CPNE8: variants seen among roughly 807,000 people sequenced by gnomAD.
CPNE8 encodes copine-8.
CPNE8 carries 45 observed loss-of-function variants against 81.5 expected under a neutral mutation model. The ratio of observed to expected loss-of-function variants is 0.55; its 90% CI spans 0.44 to 0.71. The LOEUF is 0.71. CPNE8 is among the 30% of genes least tolerant of loss of function. The pLI, the probability that CPNE8 is intolerant of heterozygous loss-of-function variation, is 0.00. For missense variants in CPNE8, 594 were observed against 672.1 expected, an observed-to-expected ratio of 0.88 and a Z score of 1.28; for synonymous variants, 252 against 226.3, an observed-to-expected ratio of 1.11 and a Z score of -1.02.
intron 10 of CPNE8, among the ~76,000 whole-genome samples, chr12:38,752,447 G>T (rs1941370471): frequency 6.6e-6 from 1 of 152,024 alleles, no homozygotes; most frequent in Non-Finnish European, 1.5e-5. Context: ...CCTTCCCCTG[G>T]ACTCCCTGGG....
At chr12:38,832,678 T>C (rs926635528) in intron 5 of CPNE8, among the ~76,000 whole-genome samples, 18 of 151,946 alleles carry the variant, frequency 1.2e-4, no homozygotes, top group African/African-American at 4.4e-4. Flanking sequence ...CCCCCAAATA[T>C]TTATGGCACT....
At chr12:38,842,379 A>C (rs1043760009) in intron 4 of CPNE8, among the ~76,000 whole-genome samples, 1 of 152,130 alleles carries the variant, frequency 6.6e-6, no homozygotes, top group African/African-American at 2.4e-5. Context: ...ATGACATCGA[A>C]TGTTCAATTA....
chr12:38,851,057 A>G (rs1034432250), intron 3 of CPNE8, among the ~76,000 whole-genome samples: 1 of 152,228 alleles, frequency 6.6e-6, no homozygotes, highest in African/African-American at 2.4e-5. Context: ...CATGTGATAC[A>G]GCAAGAATGC....
chr12:38,905,813 G>A (rs1446752856), upstream of CPNE8: 3 of 985,202 alleles, frequency 3.0e-6, no homozygotes, highest in Non-Finnish European at 3.6e-6. Context: ...CAGCCCGGGC[G>A]GGGGACACAC....
In CPNE8 at chr12:38,767,733, G is replaced by A. The variant is rs191464987; in HGVS notation, c.477C>T (p.Ala159=). Residue 159 remains alanine (A), a synonymous_variant, in exon 8 of 20, where the codon GCC becomes GCT. Coordinates refer to ENST00000331366, the MANE Select transcript of CPNE8 (RefSeq NM_153634.3). The stretch of plus-strand genomic sequence containing the variant: ...TGTTCGCACAAAATTGCATCAAAAC[G>A]GCATCCTAAAAACAAAATTAATAAA... ...TAEELNCCRD[A]VLMQFCANKL... is the part of the protein sequence containing the mutation. The A allele has an allele frequency of 2.6e-6, 4 of 1,538,162 alleles. No homozygotes were observed. Among genetic ancestry groups the A allele is most frequent in the East Asian group, 2.5e-5 (1 of 40,124 alleles).
intron 19 of CPNE8, among the ~76,000 whole-genome samples, chr12:38,666,575 G>A (rs1939060536): frequency 6.6e-6 from 1 of 152,166 alleles, no homozygotes; most frequent in South Asian, 2.1e-4. Flanking sequence ...CAGCACAGAT[G>A]AGGAGGAAGA....
chr12:38,832,949 G>C (rs370242640), intron 5 of CPNE8, among the ~76,000 whole-genome samples: 4 of 151,892 alleles, frequency 2.6e-5, no homozygotes, highest in African/African-American at 9.7e-5. Flanking sequence ...CAACCTCCGA[G>C]AGATAATACA....
At chr12:38,801,086 G>A (rs1289498483) in intron 6 of CPNE8, among the ~76,000 whole-genome samples, 4 of 138,660 alleles carry the variant, frequency 2.9e-5, no homozygotes, top group Non-Finnish European at 4.7e-5. Flanking sequence ...ACACTCTGCA[G>A]GATATTATCC....
chr12:38,700,297 G>A (rs192819482), intron 14 of CPNE8, among the ~76,000 whole-genome samples: 119 of 142,652 alleles, frequency 8.3e-4, no homozygotes, highest in Admixed American at 3.0e-3. Flanking sequence ...GGAGTGCAAC[G>A]GCATGATCTC....
chr12:38,784,593 G>C (rs924301827), intron 6 of CPNE8, among the ~76,000 whole-genome samples: 1 of 152,032 alleles, frequency 6.6e-6, no homozygotes, highest in Admixed American at 6.6e-5. Context: ...AACTCCCAAA[G>C]GTTAAGGATA....
intron 6 of CPNE8, among the ~76,000 whole-genome samples, chr12:38,786,614 A>C (rs1471131757): frequency 6.6e-6 from 1 of 152,138 alleles, no homozygotes; most frequent in African/African-American, 2.4e-5. Flanking sequence ...ATATTCCATT[A>C]GTTCTGTCCC....
At chr12:38,790,981 T>G (rs1176321641) in intron 6 of CPNE8, among the ~76,000 whole-genome samples, 1 of 151,730 alleles carries the variant, frequency 6.6e-6, no homozygotes, top group African/African-American at 2.4e-5. Context: ...ATTCCTGAAG[T>G]TTTCTTCTTT....
At chr12:38,674,171 G>A (rs1041312189) in intron 18 of CPNE8, among the ~76,000 whole-genome samples, 1 of 152,074 alleles carries the variant, frequency 6.6e-6, no homozygotes, top group Non-Finnish European at 1.5e-5. Flanking sequence ...ATTGGATAAG[G>A]GCAGTAGCAA....
Position 38,713,933 on chromosome 12 carries a change from G to A in CPNE8, c.914+9839C>T, listed in dbSNP as rs547072688. Among the ~76,000 whole-genome samples the A allele has an allele frequency of 6.6e-5, 10 of 152,226 alleles. No individual in the cohort carries two copies. In the South Asian group the frequency reaches 2.1e-3, roughly 32 times the overall value. On this transcript the variant is annotated intron_variant, in intron 13 of 19. Transcript: ENST00000331366. ...TTTCATGTTGACATGAAATTCTAGT[G>A]CCTTAGCAGGGACTCGGTGTGCAAC...
chr12:38,675,956 C>T (rs1939279301), intron 17 of CPNE8, among the ~76,000 whole-genome samples, 182 bp from the exon 18 acceptor site: 1 of 151,134 alleles, frequency 6.6e-6, no homozygotes, highest in Non-Finnish European at 1.5e-5. Context: ...CCCATCTACA[C>T]CAAAAAATAA....
chr12:38,813,533 G>A (rs920446127), intron 6 of CPNE8, among the ~76,000 whole-genome samples: 3 of 152,062 alleles, frequency 2.0e-5, no homozygotes, highest in African/African-American at 7.2e-5. Flanking sequence ...GATTTCTTTG[G>A]GACATCTATG....
chr12:38,774,782 G>A (rs959857785), intron 7 of CPNE8, among the ~76,000 whole-genome samples: 5 of 152,088 alleles, frequency 3.3e-5, no homozygotes, highest in African/African-American at 1.2e-4. Context: ...TTATATGTGG[G>A]CATGTTGGGG....
chr12:38,751,377 ATCT>A (rs1156894553), intron 10 of CPNE8, among the ~76,000 whole-genome samples: 1 of 152,174 alleles, frequency 6.6e-6, no homozygotes, highest in Non-Finnish European at 1.5e-5. Flanking sequence ...AGGTATGGGC[ATCT>A]TCTTATTATT....
Position 38,788,536 on chromosome 12 carries a change from A to G in CPNE8, c.408-12235T>C, listed in dbSNP as rs535295025. 3.3e-5 allele frequency among the ~76,000 whole-genome samples: 5 copies of G among 152,026 alleles called. No homozygotes were observed. In the East Asian group the frequency reaches 5.8e-4, roughly 18 times the overall value. On this transcript the variant is annotated intron_variant, in intron 6 of 19. Transcript: ENST00000331366. Reference sequence around the variant, plus strand: ...GGTAAATACTGAAAGCCTTTCCTCTAAGATCTGGAACACAATAAGATGCCT... The same window carrying G: ...GGTAAATACTGAAAGCCTTTCCTCTGAGATCTGGAACACAATAAGATGCCT...
Sources: allele counts gnomAD v4.1 joint callset (sites outside exome capture counted in the v4.1 genomes callset), GRCh38; gene constraint gnomAD v4.1.1; transcripts MANE v1.5; gene names NCBI Gene and HGNC (gene_info 2026-07-23, HGNC 2026-07-21).